WDR70: variants seen among roughly 807,000 people sequenced by gnomAD.
WDR70 encodes WD repeat domain 70, also known as WD repeat-containing protein 70.
In WDR70, 53 loss-of-function variants were observed where a neutral mutation model predicts 88.6. The ratio of observed to expected loss-of-function variants is 0.60; its 90% CI spans 0.48 to 0.75. WDR70 has a LOEUF of 0.75. WDR70 is among the 30% of genes least tolerant of loss of function. The pLI is 0.00. For missense variants in WDR70, 610 were observed against 823.2 expected, an observed-to-expected ratio of 0.74 and a Z score of 3.17; for synonymous variants, 280 against 270.0, an observed-to-expected ratio of 1.04 and a Z score of -0.36.
At chr5:37,572,132 A>G (rs977997493) in intron 9 of WDR70, among the ~76,000 whole-genome samples, 4 of 152,164 alleles carry the variant, frequency 2.6e-5, no homozygotes, top group African/African-American at 7.2e-5. Flanking sequence ...TATAAAGGGA[A>G]AGAGAGCAGC....
intron 9 of WDR70, among the ~76,000 whole-genome samples, chr5:37,567,886 C>T (rs1340678597): frequency 1.3e-5 from 2 of 152,126 alleles, no homozygotes; most frequent in African/African-American, 2.4e-5. Context: ...GAGGGTCATC[C>T]AGCAAAACTA....
At chr5:37,671,697 A>G (rs1403601947) in intron 10 of WDR70, among the ~76,000 whole-genome samples, 1 of 152,172 alleles carries the variant, frequency 6.6e-6, no homozygotes, top group Non-Finnish European at 1.5e-5. Context: ...TCCTGCATTG[A>G]TAGATACACT....
intron 10 of WDR70, among the ~76,000 whole-genome samples, chr5:37,650,880 C>T (rs2112559818): frequency 6.6e-6 from 1 of 152,108 alleles, no homozygotes; most frequent in African/African-American, 2.4e-5. Flanking sequence ...CATCCACCCA[C>T]TTGTTTTTAA....
At chr5:37,658,390 G>A (rs187811019) in intron 10 of WDR70, among the ~76,000 whole-genome samples, 1 of 152,238 alleles carries the variant, frequency 6.6e-6, no homozygotes, top group African/African-American at 2.4e-5. Context: ...AGAAACAGCA[G>A]CATGAGTATT....
chr5:37,714,373 A>G (rs1049221881), intron 13 of WDR70, among the ~76,000 whole-genome samples: 6 of 152,212 alleles, frequency 3.9e-5, no homozygotes, highest in Non-Finnish European at 7.3e-5. Context: ...GACCAAACAT[A>G]GAAAAACCAG....
chr5:37,675,871 G>T (rs1330919108), intron 10 of WDR70, among the ~76,000 whole-genome samples: 2 of 152,126 alleles, frequency 1.3e-5, no homozygotes, highest in African/African-American at 4.8e-5. Flanking sequence ...CATGAGCATG[G>T]AATGTTCTTC....
chr5:37,382,633 A>C (rs576398699), intron 3 of WDR70, among the ~76,000 whole-genome samples: 6 of 151,918 alleles, frequency 3.9e-5, no homozygotes, highest in Non-Finnish European at 5.9e-5. Flanking sequence ...GATGGTCTTG[A>C]TCTCTTGATC....
At position 37,381,696 on chromosome 5, in the gene WDR70, C is replaced by T. The variant is rs1452900100; in HGVS notation, c.175+11C>T. ...GTCGCAAAACACTGGGTAAGAAGCT[C>T]AGATATTTGTTCTTTTATTGGTTTA... is the stretch of plus-strand genomic sequence containing the variant. On this transcript the variant is annotated intron_variant, in intron 3 of 17. Transcript: ENST00000265107. 1.9e-6 allele frequency: 3 copies of T among 1,606,894 alleles called. No individual in the cohort carries two copies. Among genetic ancestry groups the T allele is most frequent in the Middle Eastern group, 1.7e-4 (1 of 6,016 alleles).
At chr5:37,416,267 G>A (rs561327693) in intron 5 of WDR70, among the ~76,000 whole-genome samples, 6 of 152,208 alleles carry the variant, frequency 3.9e-5, no homozygotes, top group Non-Finnish European at 5.9e-5. Context: ...CCGGCACCTC[G>A]GGAGGCCGAG....
chr5:37,607,814 T>C (rs1412580288), intron 10 of WDR70, among the ~76,000 whole-genome samples: 2 of 152,140 alleles, frequency 1.3e-5, no homozygotes, highest in African/African-American at 4.8e-5. Context: ...ATGGTCAGCC[T>C]TTCATTTGAG....
intron 9 of WDR70, among the ~76,000 whole-genome samples, chr5:37,603,849 A>G (rs1162314483): frequency 1.3e-5 from 2 of 152,188 alleles, no homozygotes; most frequent in Non-Finnish European, 2.9e-5. Flanking sequence ...TGTAATATAC[A>G]TCTTTAGCAT....
intron 10 of WDR70, among the ~76,000 whole-genome samples, chr5:37,609,434 A>G (rs1325588673): frequency 6.6e-6 from 1 of 152,214 alleles, no homozygotes; most frequent in South Asian, 2.1e-4. Flanking sequence ...GGAATCTACA[A>G]TATACTAGAC....
chr5:37,679,425 C>G (rs1485880914), intron 10 of WDR70, among the ~76,000 whole-genome samples: 6 of 151,576 alleles, frequency 4.0e-5, no homozygotes, highest in Admixed American at 2.0e-4. Context: ...GATGTCCTTT[C>G]TGTTTGTTAG....
intron 5 of WDR70, among the ~76,000 whole-genome samples, chr5:37,437,710 A>G (rs1329039301): frequency 1.3e-5 from 2 of 152,130 alleles, no homozygotes; most frequent in Non-Finnish European, 2.9e-5. Flanking sequence ...CCTTTTAGAG[A>G]TTTAAAATCA....
chr5:37,457,760 T>A (rs78302422), intron 7 of WDR70, among the ~76,000 whole-genome samples: 3 of 152,346 alleles, frequency 2.0e-5, no homozygotes, highest in African/African-American at 7.2e-5. Context: ...CAGTACAGAC[T>A]GTGACCAGTG....
At chr5:37,484,440 A>G (rs1739791246) in intron 8 of WDR70, among the ~76,000 whole-genome samples, 1 of 152,176 alleles carries the variant, frequency 6.6e-6, no homozygotes, top group Non-Finnish European at 1.5e-5. Flanking sequence ...CTGCAATCGC[A>G]GGCACTCGGC....
chr5:37,697,319 T>A (rs994258971), intron 10 of WDR70, among the ~76,000 whole-genome samples: 5 of 152,226 alleles, frequency 3.3e-5, no homozygotes, highest in African/African-American at 1.2e-4. Flanking sequence ...AGATAAATAC[T>A]GGAAATTGTC....
chr5:37,460,412 CCAT>C (rs1471145212), intron 7 of WDR70, among the ~76,000 whole-genome samples: 8 of 15,972 alleles, frequency 5.0e-4, no homozygotes, highest in Middle Eastern at 0.011. Context: ...AAATTGGAAA[CCAT>C]CATTCTCAGT....
intron 13 of WDR70, among the ~76,000 whole-genome samples, chr5:37,709,546 A>G (rs1369549108): frequency 7.2e-5 from 11 of 152,200 alleles, no homozygotes; most frequent in Non-Finnish European, 2.9e-5. Context: ...TCCAAGATGT[A>G]TGAATATTTG....
Sources: gnomAD v4.1 joint callset for allele counts (sites outside exome capture counted in the v4.1 genomes callset) on GRCh38, gnomAD v4.1.1 for gene constraint, MANE v1.5 for transcripts, NCBI Gene and HGNC (gene_info 2026-07-23, HGNC 2026-07-21) for gene names.